The following TNFRSF21 variants were observed in gnomAD, a reference collection of about 807,000 sequenced individuals.
TNFRSF21 encodes tumor necrosis factor receptor superfamily member 21.
A neutral mutation model predicts 45.6 loss-of-function variants in TNFRSF21; 19 were observed. The observed-to-expected ratio is 0.42, with a 90% CI of 0.29 to 0.61. TNFRSF21 has a LOEUF of 0.61. Ranked by LOEUF, TNFRSF21 falls within the 20% of genes least tolerant of loss-of-function variation. The pLI is 0.23. For synonymous variants in TNFRSF21, 314 were observed against 335.5 expected, an observed-to-expected ratio of 0.94 and a Z score of 0.70; for missense variants, 737 against 851.5, an observed-to-expected ratio of 0.87 and a Z score of 1.67.
rs574996104 is a variant in TNFRSF21, at chr6:47,231,866, T to C, written c.*899A>G. On this transcript the variant is annotated 3_prime_UTR_variant, in exon 6 of 6. Transcript: ENST00000296861. ...TTTTAAAGCAAAGCTGGGCAAATTC[T>C]CTATGGAAAGGGCGCCACTGGCACT... 6.5e-6 allele frequency: 1 copy of C among 152,788 alleles called. No homozygotes were observed. The highest frequency in any genetic ancestry group is 1.9e-4 in the East Asian group (1 of 5,192). 9.5% of individuals were successfully genotyped at this position (152,788 alleles called of 1,614,324 possible). A position where few individuals can be genotyped will look rare whatever the true frequency, so the allele number is the denominator to read the frequency against.
intron 4 of TNFRSF21, among the ~76,000 whole-genome samples, chr6:47,251,654 A>G (rs1764903083): frequency 6.6e-6 from 1 of 152,212 alleles, no homozygotes; most frequent in South Asian, 2.1e-4. Flanking sequence ...TCACGTATCT[A>G]AATCCTTCTT....
chr6:47,300,255 A>G (rs1762846318), intron 1 of TNFRSF21, among the ~76,000 whole-genome samples: 1 of 152,162 alleles, frequency 6.6e-6, no homozygotes, highest in Admixed American at 6.5e-5. Flanking sequence ...TTCCCTTTCA[A>G]AGTAATCAGA....
chr6:47,245,184 A>G (rs144291008), intron 4 of TNFRSF21, among the ~76,000 whole-genome samples: 52 of 152,280 alleles, frequency 3.4e-4, no homozygotes, highest in African/African-American at 1.3e-3. Context: ...AAAAAATTAA[A>G]GCCCACTTCC....
intron 3 of TNFRSF21, among the ~76,000 whole-genome samples, chr6:47,272,659 CA>C (rs1762439880): frequency 6.6e-6 from 1 of 151,874 alleles, no homozygotes. Context: ...AAGAAAAAAG[CA>C]AAATCAGAGC....
At chr6:47,281,999 G>A (rs944584720) in intron 3 of TNFRSF21, among the ~76,000 whole-genome samples, 4 of 151,958 alleles carry the variant, frequency 2.6e-5, no homozygotes, top group African/African-American at 9.7e-5. Context: ...TACATCATAG[G>A]TGTCCAATCT....
chr6:47,250,875 A>C (rs548588042), intron 4 of TNFRSF21, among the ~76,000 whole-genome samples: 1 of 152,366 alleles, frequency 6.6e-6, no homozygotes, highest in South Asian at 2.1e-4. Flanking sequence ...CTTTTTGAGC[A>C]CCAACATAAT....
intron 3 of TNFRSF21, among the ~76,000 whole-genome samples, chr6:47,282,246 A>AT (rs1418350729): frequency 2.6e-5 from 4 of 152,020 alleles, no homozygotes; most frequent in African/African-American, 7.2e-5. Flanking sequence ...TTAGCTGGGC[A>AT]TGGTGGTACA....
chr6:47,233,934 T>C (rs1475658975), intron 5 of TNFRSF21, among the ~76,000 whole-genome samples: 1 of 152,170 alleles, frequency 6.6e-6, no homozygotes, highest in African/African-American at 2.4e-5. Context: ...AAAATATTGG[T>C]ATTTGCAATG....
intron 1 of TNFRSF21, among the ~76,000 whole-genome samples, chr6:47,286,915 T>C (rs543102290): frequency 1.3e-5 from 2 of 152,308 alleles, no homozygotes; most frequent in East Asian, 3.9e-4. Context: ...CAGTTGAGAA[T>C]ATGTATGTGA....
rs982587536 is a variant in TNFRSF21 at position 47,295,827 on chromosome 6, G to A, written c.97-9232C>T. On this transcript the variant is annotated intron_variant, in intron 1 of 5. Coordinates refer to ENST00000296861, the MANE Select transcript of TNFRSF21 (RefSeq NM_014452.5). ...TTTAAAAAAAAAAAAGTCTTCTGTT[G>A]CTAAGGCAAAAGCAGGGACCATTTT... is the stretch of plus-strand genomic sequence containing the variant. Among the ~76,000 whole-genome samples, 13 of 151,636 alleles carry A rather than the reference G, an allele frequency of 8.6e-5. No homozygotes were observed. The East Asian group carries it at 2.5e-3, about 29-fold the overall frequency.
chr6:47,234,837 G>A lies in TNFRSF21; in HGVS notation c.1571C>T (p.Pro524Leu), dbSNP rs1005773953. The stretch of plus-strand genomic sequence containing the variant: ...ATTCTCAAGTTTCGCGTTGGGGCTG[G>A]GGATGGGGCTCGGGCTAAGCGGGCT... ...SPSPLSPSPI[P>L]SPNAKLENSA... The change falls in exon 5 of 6, where the codon CCC becomes CTC. Residue 524 changes from proline to leucine, a missense_variant. Coordinates refer to ENST00000296861, the MANE Select transcript of TNFRSF21 (RefSeq NM_014452.5). The A allele has an allele frequency of 1.1e-5, 17 of 1,532,968 alleles. No homozygotes were observed. The highest frequency in any genetic ancestry group is 1.4e-5 in the Non-Finnish European group (16 of 1,143,270). The allele number at this position is 1,532,968 out of a possible 1,614,324, so 95.0% of individuals were successfully genotyped here.
At chr6:47,309,159 C>T (rs1468656327) in intron 1 of TNFRSF21, among the ~76,000 whole-genome samples, 1 of 152,194 alleles carries the variant, frequency 6.6e-6, no homozygotes, top group East Asian at 1.9e-4. Flanking sequence ...TCTAGCGTCT[C>T]CTCCAGCAAA....
rs898302284 is a variant in TNFRSF21, at chr6:47,302,545, C to A, written c.96+6871G>T. On this transcript the variant is annotated intron_variant, in intron 1 of 5. Transcript: ENST00000296861. ...ATCTTTCCATCTTAGCGATGGCACC[C>A]TTGCCCGTCAGAGTCACACCATAGG... Among the ~76,000 whole-genome samples, 11 of 152,300 alleles carry A rather than the reference C, an allele frequency of 7.2e-5. No homozygotes were observed. In the South Asian group the frequency reaches 2.1e-3, roughly 29 times the overall value.
At chr6:47,265,764 T>C (rs536401514) in intron 3 of TNFRSF21, among the ~76,000 whole-genome samples, 2 of 152,360 alleles carry the variant, frequency 1.3e-5, no homozygotes, top group African/African-American at 4.8e-5. Flanking sequence ...AAATGTATAC[T>C]GTAGTAATCA....
chr6:47,267,281 G>A (rs865934584), intron 3 of TNFRSF21, among the ~76,000 whole-genome samples: 4 of 151,886 alleles, frequency 2.6e-5, no homozygotes, highest in South Asian at 2.1e-4. Context: ...GTATTTTTTA[G>A]TAGAGACGGG....
rs549742506 is a variant in TNFRSF21 at position 47,234,068 on chromosome 6, T to C, written c.1738+602A>G. Reference sequence around the variant, plus strand: ...GTACAGTGGCACAATCTCAGCTCACTGCAGCCTCCGCGTCTCAGGTTCAAG... The same window carrying C: ...GTACAGTGGCACAATCTCAGCTCACCGCAGCCTCCGCGTCTCAGGTTCAAG... On this transcript the variant is annotated intron_variant, in intron 5 of 5. Coordinates refer to ENST00000296861, the MANE Select transcript of TNFRSF21 (RefSeq NM_014452.5). Among the ~76,000 whole-genome samples the C allele has an allele frequency of 7.2e-5, 11 of 152,278 alleles. No individual in the cohort carries two copies. In the South Asian group the frequency reaches 2.1e-3, roughly 29 times the overall value.
At chr6:47,298,842 A>C (rs1762823811) in intron 1 of TNFRSF21, among the ~76,000 whole-genome samples, 1 of 152,200 alleles carries the variant, frequency 6.6e-6, no homozygotes, top group Non-Finnish European at 1.5e-5. Context: ...TTCTCTCAGA[A>C]AGGCACAATC....
intron 5 of TNFRSF21, among the ~76,000 whole-genome samples, chr6:47,233,823 T>C (rs896480666): frequency 1.3e-5 from 2 of 152,010 alleles, no homozygotes; most frequent in Non-Finnish European, 2.9e-5. Flanking sequence ...CTAGAAAATT[T>C]CTTTAAAAAC....
chr6:47,251,154 C>G (rs1299947751), intron 4 of TNFRSF21, among the ~76,000 whole-genome samples: 1 of 152,116 alleles, frequency 6.6e-6, no homozygotes, highest in Non-Finnish European at 1.5e-5. Flanking sequence ...GTAATAAGAA[C>G]TGGCAGCCAA....
Sources: gnomAD v4.1 joint callset for allele counts (sites outside exome capture counted in the v4.1 genomes callset) on GRCh38, gnomAD v4.1.1 for gene constraint, MANE v1.5 for transcripts, NCBI Gene and HGNC (gene_info 2026-07-23, HGNC 2026-07-21) for gene names.